NEB: variants seen among roughly 807,000 people sequenced by gnomAD.
NEB encodes the protein nemaline myopathy type 2.
A neutral mutation model predicts 952.2 loss-of-function variants in NEB; 512 were observed. The ratio of observed to expected loss-of-function variants is 0.54; its 90% CI spans 0.50 to 0.58. The LOEUF (loss-of-function observed/expected upper bound fraction) is 0.58, where lower values mean the gene tolerates loss of function less well. Ranked by LOEUF, NEB falls within the 20% of genes least tolerant of loss-of-function variation. NEB has a pLI of 0.00. For missense variants in NEB, 8,428 were observed against 9,231.1 expected, an observed-to-expected ratio of 0.91 and a Z score of 3.56; for synonymous variants, 2,900 against 3,149.8, an observed-to-expected ratio of 0.92 and a Z score of 2.66.
Position 151,639,926 on chromosome 2 carries a change from G to A in NEB, c.8820C>T (p.Phe2940=). The change falls in exon 62 of 182, where the codon TTC becomes TTT. Residue 2940 remains phenylalanine, a synonymous_variant. Transcript: ENST00000397345. ...GAGAGTCAGTCACACTGGTAAATTT[G>A]AATCTGTCTGGAGGCTGGCGATAGA... is the stretch of plus-strand genomic sequence containing the variant. ...DKIYRQPPDR[F]KFTSVTDSLE... The A allele has an allele frequency of 6.2e-7, 1 of 1,613,950 alleles. No homozygotes were observed. Among genetic ancestry groups the A allele is most frequent in the Non-Finnish European group, 8.5e-7 (1 of 1,179,852 alleles).
rs956944109 is a variant in NEB, at chr2:151,496,924, T to C, written c.24393+17A>G. 3 of 1,548,276 alleles carry C rather than the reference T, an allele frequency of 1.9e-6. No individual in the cohort carries two copies. The highest frequency in any genetic ancestry group is 2.6e-6 in the Non-Finnish European group (3 of 1,140,988). On this transcript the variant is annotated intron_variant, in intron 172 of 181. Transcript: ENST00000397345. ...TTAAAATCAGTAAGTAGTTTTTTTCTTTTCTTGCCCAAGTACCGAGCTAAT... is the reference window on the plus strand; with the variant it reads ...TTAAAATCAGTAAGTAGTTTTTTTCCTTTCTTGCCCAAGTACCGAGCTAAT...
chr2:151,697,037 T>C, intron 16 of NEB, 111 bp downstream of exon 16: 1 of 770,934 alleles, frequency 1.3e-6, no homozygotes, highest in Non-Finnish European at 2.1e-6. Flanking sequence ...CTTCATTTCT[T>C]GCGATTGCCT....
rs1178951858 is a variant in NEB at position 151,650,353 on chromosome 2, C to T, written c.7254G>A (p.Trp2418Ter). 6.2e-7 allele frequency: 1 copy of T among 1,613,886 alleles called. No individual in the cohort carries two copies. Among genetic ancestry groups the T allele is most frequent in the Non-Finnish European group, 8.5e-7 (1 of 1,179,832 alleles). ...SENLYKSDLE[W>*]LRGIGWSPLG... Reference sequence around the variant, plus strand: ...AGGGACTCCATCCTATGCCTCTCAGCCACTCAAGGTCAGATTTATATAGAT... The same window carrying T: ...AGGGACTCCATCCTATGCCTCTCAGTCACTCAAGGTCAGATTTATATAGAT... Residue 2418 changes from tryptophan (W) to a stop codon, truncating the protein, a stop_gained, in exon 54 of 182, where the codon TGG (tryptophan) becomes TGA (stop). Coordinates refer to ENST00000397345, the MANE Select transcript of NEB (RefSeq NM_001164508.2). LOFTEE classifies it high-confidence loss of function.
chr2:151,684,671 G>C, intron 28 of NEB, 107 bp downstream of exon 28: 2 of 1,091,134 alleles, frequency 1.8e-6, no homozygotes, highest in Non-Finnish European at 2.6e-6. Flanking sequence ...TACATACATA[G>C]GACAATGCAG....
rs755477956 is a variant in NEB, at chr2:151,614,459, C to T, written c.11418G>A (p.Lys3806=). Residue 3806 remains lysine (K), a synonymous_variant, in exon 77 of 182, where the codon AAG becomes AAA. Coordinates refer to ENST00000397345, the MANE Select transcript of NEB (RefSeq NM_001164508.2). ...ACTTGGTCTTCCACTTCTCAAACTC[C>T]TTCTTGTACTCCCTGTCACTCTGGA... is the stretch of plus-strand genomic sequence containing the variant. The part of the protein sequence containing the change: ...AKIQSDREYK[K]EFEKWKTKFS... The T allele has an allele frequency of 2.4e-5, 39 of 1,613,916 alleles. No homozygotes were observed. The highest frequency in any genetic ancestry group is 7.7e-5 in the South Asian group (7 of 91,066).
intron 30 of NEB, 127 bp from the exon 31 acceptor site, chr2:151,680,149 T>G (rs2099403524): frequency 2.8e-6 from 2 of 717,780 alleles, no homozygotes; most frequent in Non-Finnish European, 4.7e-6. Flanking sequence ...CTTTGTGCAT[T>G]TGCATATTCA....
rs1257493423 is a variant in NEB, at chr2:151,706,801, T to G, written c.1152+80A>C. The G allele has an allele frequency of 1.4e-5, 14 of 982,318 alleles. No individual in the cohort carries two copies. The East Asian group carries it at 2.9e-4, about 20-fold the overall frequency. The allele number at this position is 982,318 out of a possible 1,614,324, so 60.9% of individuals were successfully genotyped here. ...CTTAATGTATTTGCAAAGTTATATATTCATTTAGTCATTAAAGGAGAAAAT... is the reference window on the plus strand; with the variant it reads ...CTTAATGTATTTGCAAAGTTATATAGTCATTTAGTCATTAAAGGAGAAAAT... On this transcript the variant is annotated intron_variant, in intron 13 of 181. Transcript: ENST00000397345.
intron 47 of NEB, among the ~76,000 whole-genome samples, chr2:151,658,684 C>T (rs1401848982): frequency 2.0e-5 from 3 of 152,152 alleles, no homozygotes; most frequent in Middle Eastern, 3.2e-3. Flanking sequence ...CTTCCCTTTC[C>T]ATTTAACCCC....
Position 151,703,227 on chromosome 2 carries a change from C to G in NEB, c.1152+3654G>C, listed in dbSNP as rs952562433. On this transcript the variant is annotated intron_variant, in intron 13 of 181. Coordinates refer to ENST00000397345, the MANE Select transcript of NEB (RefSeq NM_001164508.2). ...GCTTGTAGGGTTTCTGCTGAGAGAT[C>G]TGCTGTTAGTCTGATGGGCTTCCCT... Among the ~76,000 whole-genome samples, 7 of 127,702 alleles carry G rather than the reference C, an allele frequency of 5.5e-5. No individual in the cohort carries two copies. The Admixed American group carries it at 5.8e-4, about 11-fold the overall frequency. The allele number at this position is 127,702 out of a possible 152,430, so 83.8% of individuals were successfully genotyped here.
In NEB at chr2:151,546,458, C is replaced by T. The variant is rs2094697388; in HGVS notation, c.20368-15G>A. 1 of 1,541,698 alleles carries T rather than the reference C, an allele frequency of 6.5e-7. No individual in the cohort carries two copies. Reference sequence around the variant, plus strand: ...TTGTATTTAATCTGAGAGGCAAACACAGAAATATAGCTGGTCATAAGCAAA... The same window carrying T: ...TTGTATTTAATCTGAGAGGCAAACATAGAAATATAGCTGGTCATAAGCAAA... On this transcript the variant is annotated splice_polypyrimidine_tract_variant and intron_variant, in intron 133 of 181. Transcript: ENST00000397345.
chr2:151,651,887 A>C (rs2099034041), intron 52 of NEB, among the ~76,000 whole-genome samples: 1 of 152,222 alleles, frequency 6.6e-6, no homozygotes, highest in South Asian at 2.1e-4. Flanking sequence ...TGTATGGGGC[A>C]CAAATAAGCT....
chr2:151,636,631 A>T (rs572052807), intron 63 of NEB, among the ~76,000 whole-genome samples: 1 of 152,206 alleles, frequency 6.6e-6, no homozygotes, highest in South Asian at 2.1e-4. Flanking sequence ...TATAAAAAAA[A>T]TTAGCTGGGT....
chr2:151,491,860 C>A, intron 178 of NEB, 85 bp from the exon 179 acceptor site: 1 of 1,155,982 alleles, frequency 8.7e-7, no homozygotes, highest in South Asian at 1.4e-5. Context: ...TAACAACCAC[C>A]AAAGGATTGA....
In NEB at chr2:151,578,811, G is replaced by T. The variant is rs1183566498; in HGVS notation, c.16704+527C>A. Among the ~76,000 whole-genome samples, 9 of 151,892 alleles carry T rather than the reference G, an allele frequency of 5.9e-5. 1 individual carries two copies. Among genetic ancestry groups the T allele is most frequent in the African/African-American group, 2.2e-4 (9 of 41,358 alleles). On this transcript the variant is annotated intron_variant, in intron 105 of 181. Transcript: ENST00000397345. ...GGAAGGGCGGGCAAGGCTGGGCATG[G>T]TGGCTCACTTCTGTAATCCCAGAAC...
chr2:151,729,251 A>G (rs1377078961), intron 4 of NEB, among the ~76,000 whole-genome samples: 2 of 152,176 alleles, frequency 1.3e-5, no homozygotes, highest in Non-Finnish European at 2.9e-5. Context: ...GCTTGTCCCT[A>G]TGCCAATCAC....
chr2:151,524,866 C>T (rs1180490535), intron 151 of NEB, among the ~76,000 whole-genome samples: 18 of 151,732 alleles, frequency 1.2e-4, no homozygotes, highest in Non-Finnish European at 4.4e-5. Context: ...CAGGGTTTCA[C>T]CATATTGGCC....
intron 131 of NEB, 133 bp downstream of exon 131, chr2:151,548,175 C>T: frequency 1.3e-6 from 1 of 743,178 alleles, no homozygotes; most frequent in Non-Finnish European, 2.2e-6. Flanking sequence ...CAAAATGTGA[C>T]AATAAGGACC....
At chr2:151,641,515 G>C (rs1427138444) in intron 60 of NEB, among the ~76,000 whole-genome samples, 5 of 152,050 alleles carry the variant, frequency 3.3e-5, no homozygotes, top group Admixed American at 3.3e-4. Flanking sequence ...GTTTTTTGTA[G>C]AGATAGTGCC....
Position 151,519,788 on chromosome 2 carries a change from T to C in NEB, c.22480-20A>G. 1 of 1,467,292 alleles carries C rather than the reference T, an allele frequency of 6.8e-7. No homozygotes were observed. Among genetic ancestry groups the C allele is most frequent in the Non-Finnish European group, 9.5e-7 (1 of 1,047,244 alleles). 90.9% of individuals were successfully genotyped at this position (1,467,292 alleles called of 1,614,324 possible). ...TTTAACCTAACAGCAAATGCAAACA[T>C]CCAAATTATTCCTGGACATCAATCA... On this transcript the variant is annotated intron_variant, in intron 153 of 181. Transcript: ENST00000397345.
Sources: gnomAD v4.1 joint callset for allele counts (sites outside exome capture counted in the v4.1 genomes callset) on GRCh38, gnomAD v4.1.1 for gene constraint, MANE v1.5 for transcripts, NCBI Gene and HGNC (gene_info 2026-07-23, HGNC 2026-07-21) for gene names.